Variants in ZNF536 observed in about 807,000 individuals in gnomAD.
The protein encoded by ZNF536 is zinc finger protein 536.
ZNF536 carries 13 observed loss-of-function variants against 84.5 expected under a neutral mutation model. That is an observed-to-expected ratio of 0.15 (90% CI 0.10 to 0.24). The LOEUF (loss-of-function observed/expected upper bound fraction) is 0.24, where lower values mean the gene tolerates loss of function less well. ZNF536 is among the 10% of genes least tolerant of loss of function. The pLI, the probability that ZNF536 is intolerant of heterozygous loss-of-function variation, is 1.00. For synonymous variants in ZNF536, 811 were observed against 742.5 expected (o/e 1.09, Z -1.50); for missense variants, 1,536 against 1,747.5 (o/e 0.88, Z 2.16).
At chr19:30,380,189 AT>A (rs879662647) in intron 1 of ZNF536, among the ~76,000 whole-genome samples, 57 of 148,540 alleles carry the variant, frequency 3.8e-4, no homozygotes, top group Admixed American at 2.0e-3. Context: ...GTGAAAACAG[AT>A]TTTTTTTTTT....
intron 1 of ZNF536, among the ~76,000 whole-genome samples, chr19:30,274,785 C>T (rs1266978665): frequency 1.3e-5 from 2 of 152,180 alleles, no homozygotes; most frequent in African/African-American, 4.8e-5. Context: ...GCACAGCAAG[C>T]AGCATTACCT....
intron 1 of ZNF536, among the ~76,000 whole-genome samples, chr19:30,632,427 G>A (rs887613159): frequency 5.3e-5 from 8 of 152,100 alleles, no homozygotes; most frequent in South Asian, 2.1e-4. Flanking sequence ...CCAACATGGC[G>A]AAACCCCATC....
At chr19:30,351,926 G>A (rs577621294) in intron 2 of ZNF536, among the ~76,000 whole-genome samples, 1 of 152,294 alleles carries the variant, frequency 6.6e-6, no homozygotes, top group African/African-American at 2.4e-5. Flanking sequence ...AAGAACAAAG[G>A]GACTTCCCGC....
intron 1 of ZNF536, among the ~76,000 whole-genome samples, chr19:30,255,270 C>T (rs1021361862): frequency 6.6e-6 from 1 of 151,902 alleles, no homozygotes; most frequent in Non-Finnish European, 1.5e-5. Context: ...GGCTTTAGAG[C>T]TTGGGGTGGT....
At chr19:30,666,383 C>G (rs1202905038) in intron 1 of ZNF536, among the ~76,000 whole-genome samples, 2 of 152,156 alleles carry the variant, frequency 1.3e-5, no homozygotes, top group Non-Finnish European at 2.9e-5. Flanking sequence ...TTTTCTCCCT[C>G]CCTTTCCCTG....
chr19:30,362,666 A>T (rs1248587297), intron 3 of ZNF536, among the ~76,000 whole-genome samples: 1 of 152,074 alleles, frequency 6.6e-6, no homozygotes, highest in African/African-American at 2.4e-5. Flanking sequence ...ACAGGCCTGG[A>T]ATGTTTGAGG....
chr19:30,253,847 G>C (rs1451342573), intron 1 of ZNF536, among the ~76,000 whole-genome samples: 1 of 152,104 alleles, frequency 6.6e-6, no homozygotes, highest in Non-Finnish European at 1.5e-5. Flanking sequence ...ATAGGAAAGG[G>C]AACAAGCGTC....
chr19:30,588,243 C>T (rs1331750111), intron 1 of ZNF536, among the ~76,000 whole-genome samples: 2 of 152,228 alleles, frequency 1.3e-5, no homozygotes, highest in African/African-American at 2.4e-5. Context: ...TGTTCTGTCA[C>T]CTAACTGTTG....
At chr19:30,542,420 T>A (rs972128138) in intron 3 of ZNF536, among the ~76,000 whole-genome samples, 2 of 152,258 alleles carry the variant, frequency 1.3e-5, no homozygotes, top group African/African-American at 4.8e-5. Flanking sequence ...ATTCTAAAGC[T>A]AAATCTATAT....
chr19:30,558,766 G>T (rs376904163), downstream of ZNF536, among the ~76,000 whole-genome samples: 1 of 152,122 alleles, frequency 6.6e-6, no homozygotes, highest in Non-Finnish European at 1.5e-5. Flanking sequence ...TTCTTTGCTT[G>T]GATGTGTTTT....
chr19:30,352,487 A>G (rs1213191283), intron 3 of ZNF536: 1 of 152,220 alleles, frequency 6.6e-6, no homozygotes, highest in Non-Finnish European at 1.5e-5. Context: ...CTGCTAAGGT[A>G]AGTCTTACGA....
At chr19:30,569,768 C>T (rs1404889210) in intron 1 of ZNF536, among the ~76,000 whole-genome samples, 2 of 151,742 alleles carry the variant, frequency 1.3e-5, no homozygotes, top group Non-Finnish European at 2.9e-5. Flanking sequence ...GACGGGGTTT[C>T]ACCATGTTGG....
intron 2 of ZNF536, among the ~76,000 whole-genome samples, chr19:30,336,745 A>G (rs2047396228): frequency 6.6e-6 from 1 of 152,186 alleles, no homozygotes; most frequent in Non-Finnish European, 1.5e-5. Flanking sequence ...GCCAGAATGC[A>G]TAGGCCCAGG....
In ZNF536 at chr19:30,549,278, G is replaced by T. The variant is rs2146247947; in HGVS notation, c.3659G>T (p.Gly1220Val). 3 of 1,613,844 alleles carry T rather than the reference G, an allele frequency of 1.9e-6. No homozygotes were observed. The highest frequency in any genetic ancestry group is 2.5e-6 in the Non-Finnish European group (3 of 1,180,050). Reference protein sequence around the residue: ...QPTGTSQPVQGLVSPLSQAPE... With the variant: ...QPTGTSQPVQVLVSPLSQAPE... ...ACAGGCACCTCCCAGCCCGTCCAGG[G>T]ACTGGTCTCACCTTTATCCCAAGCA... The change falls in exon 4 of 5, where the codon GGA becomes GTA. Residue 1220 changes from glycine to valine, a missense_variant. Around this residue, in one of 8 missense-constraint regions of ZNF536, gnomAD observed 624 missense variants for 603.1 expected, o/e 1.03. Transcript: ENST00000355537.
chr19:30,615,183 G>T (rs1350762001), intron 1 of ZNF536, among the ~76,000 whole-genome samples: 5 of 147,960 alleles, frequency 3.4e-5, no homozygotes, highest in Admixed American at 6.7e-5. Context: ...CTGACCTCGT[G>T]ATCCGCCCGT....
chr19:30,415,284 C>CCTTCTT (rs527266201), intron 1 of ZNF536, among the ~76,000 whole-genome samples: 4,380 of 120,096 alleles, frequency 0.036, 217 homozygotes, highest in African/African-American at 0.11. Flanking sequence ...TCCTCCTCCT[C>CCTTCTT]CTTCTTCTTC....
chr19:30,505,198 C>T (rs896277737), intron 2 of ZNF536, among the ~76,000 whole-genome samples: 5 of 147,948 alleles, frequency 3.4e-5, no homozygotes, highest in African/African-American at 1.2e-4. Context: ...TGAAATTATT[C>T]TCTCTATATA....
chr19:30,503,757 C>A (rs374153076), intron 2 of ZNF536, among the ~76,000 whole-genome samples: 1 of 152,154 alleles, frequency 6.6e-6, no homozygotes, highest in African/African-American at 2.4e-5. Context: ...ATCTCCCTGG[C>A]GCCAGAGCAT....
intron 2 of ZNF536, among the ~76,000 whole-genome samples, chr19:30,463,246 G>T (rs2053237349): frequency 6.6e-6 from 1 of 152,152 alleles, no homozygotes; most frequent in Non-Finnish European, 1.5e-5. Context: ...TAGAGGAGAG[G>T]TATCTGGGTT....
Sources: allele counts gnomAD v4.1 joint callset (sites outside exome capture counted in the v4.1 genomes callset), GRCh38; gene constraint gnomAD v4.1.1; regional missense constraint gnomAD v4.1.1; transcripts MANE v1.5; gene names NCBI Gene and HGNC (gene_info 2026-07-23, HGNC 2026-07-21).